F13B: variants seen among roughly 807,000 people sequenced by gnomAD.
F13B encodes the protein TGase.
Under a neutral mutation model 79.8 loss-of-function variants are expected in F13B, and 58 were observed. That is an observed-to-expected ratio of 0.73 (90% CI 0.59 to 0.90). The LOEUF (loss-of-function observed/expected upper bound fraction) is 0.90, where lower values mean the gene tolerates loss of function less well. Among genes scored for constraint, F13B ranks in the 40% least tolerant of loss-of-function variants. The pLI, the probability that F13B is intolerant of heterozygous loss-of-function variation, is 0.00. For missense variants in F13B, 773 were observed against 777.0 expected (o/e 0.99, Z 0.06); for synonymous variants, 283 against 260.3 (o/e 1.09, Z -0.84).
chr1:197,050,504 T>A (rs1454283196), intron 10 of F13B, among the ~76,000 whole-genome samples, 193 bp downstream of exon 10: 1 of 152,072 alleles, frequency 6.6e-6, no homozygotes, highest in African/African-American at 2.4e-5. Flanking sequence ...AAAATATGTA[T>A]TACAACAAAC....
rs1371588019 is a variant in F13B, at chr1:197,040,598, A to G, written c.1876T>C (p.Tyr626His). Residue 626 changes from tyrosine (Y) to histidine (H), a missense_variant, in exon 11 of 12, where the codon TAT (tyrosine) becomes CAT (histidine). Tyr to His is a moderately conservative substitution (Grantham distance 83). Transcript: ENST00000367412. ...CRGDTYPAEL[Y>H]ITGSILRMQC... ...ATTCTAAGTATAGATCCAGTAATAT[A>G]TAATTCAGCTGGATAAGTATCTCCT... The G allele has an allele frequency of 6.2e-7, 1 of 1,612,384 alleles. No homozygotes were observed. Among genetic ancestry groups the G allele is most frequent in the South Asian group, 1.1e-5 (1 of 91,050 alleles).
Sources: gnomAD v4.1 joint callset for allele counts (sites outside exome capture counted in the v4.1 genomes callset) on GRCh38, gnomAD v4.1.1 for gene constraint, MANE v1.5 for transcripts, NCBI Gene and HGNC (gene_info 2026-07-23, HGNC 2026-07-21) for gene names.